LDLRAD3: variants seen among roughly 807,000 people sequenced by gnomAD.
LDLRAD3 encodes low density lipoprotein receptor class A domain containing 3.
A neutral mutation model predicts 29.4 loss-of-function variants in LDLRAD3; 20 were observed. That is an observed-to-expected ratio of 0.68 (90% CI 0.48 to 0.99). The LOEUF (loss-of-function observed/expected upper bound fraction) is 0.99, where lower values mean the gene tolerates loss of function less well. LDLRAD3 is among the 50% of genes least tolerant of loss of function. The pLI is 0.00. For missense variants in LDLRAD3, 420 were observed against 454.3 expected (o/e 0.92, Z 0.69); for synonymous variants, 157 against 192.7 (o/e 0.81, Z 1.53).
At position 36,138,649 on chromosome 11, in the gene LDLRAD3, G is replaced by T. The variant is rs930126472; in HGVS notation, c.454+40188G>T. On this transcript the variant is annotated intron_variant, in intron 4 of 5. Transcript: ENST00000315571. Reference sequence around the variant, plus strand: ...ATTAGTATTTAATAGCTGCATTTTGGTGACAGATTTTGCTACCAAGCTGCC... The same window carrying T: ...ATTAGTATTTAATAGCTGCATTTTGTTGACAGATTTTGCTACCAAGCTGCC... 3.0e-4 allele frequency among the ~76,000 whole-genome samples: 45 copies of T among 152,212 alleles called. 1 individual carries two copies. Among genetic ancestry groups the T allele is most frequent in the Non-Finnish European group, 6.5e-4 (44 of 68,044 alleles).
intron 4 of LDLRAD3, among the ~76,000 whole-genome samples, chr11:36,151,797 A>G (rs942546140): frequency 2.0e-5 from 3 of 152,204 alleles, no homozygotes; most frequent in East Asian, 1.9e-4. Context: ...CAATCAATCA[A>G]TAGAATAAAA....
intron 4 of LDLRAD3, among the ~76,000 whole-genome samples, chr11:36,175,882 T>G (rs565957331): frequency 5.3e-4 from 81 of 152,322 alleles, no homozygotes; most frequent in African/African-American, 1.8e-3. Context: ...TGTCTTGACT[T>G]GTCTAGTGCT....
intron 2 of LDLRAD3, among the ~76,000 whole-genome samples, chr11:36,036,797 C>G (rs1852310886): frequency 6.6e-6 from 1 of 152,204 alleles, no homozygotes; most frequent in African/African-American, 2.4e-5. Context: ...ATGGCTTGAG[C>G]TTTGCTGGGG....
intron 4 of LDLRAD3, among the ~76,000 whole-genome samples, chr11:36,143,544 C>A (rs190554215): frequency 1.2e-3 from 187 of 152,302 alleles, no homozygotes; most frequent in African/African-American, 4.4e-3. Context: ...CCTGTTTGAG[C>A]CCAGGGAGAA....
intron 3 of LDLRAD3, among the ~76,000 whole-genome samples, chr11:36,088,344 A>G (rs930242902): frequency 6.6e-6 from 1 of 151,690 alleles, no homozygotes; most frequent in Admixed American, 6.6e-5. Flanking sequence ...AAGGATGAGG[A>G]CTCCAGCCAA....
At chr11:36,140,406 A>C (rs958535281) in intron 4 of LDLRAD3, among the ~76,000 whole-genome samples, 1 of 152,228 alleles carries the variant, frequency 6.6e-6, no homozygotes, top group African/African-American at 2.4e-5. Flanking sequence ...AGGGGATTTG[A>C]CAAATCCTGT....
chr11:36,054,156 A>G (rs1852571174), intron 2 of LDLRAD3, among the ~76,000 whole-genome samples: 1 of 152,192 alleles, frequency 6.6e-6, no homozygotes, highest in African/African-American at 2.4e-5. Context: ...CATTTCAGAA[A>G]TATTTTGTTT....
chr11:36,101,336 C>T (rs1853443953), intron 4 of LDLRAD3, among the ~76,000 whole-genome samples: 1 of 152,178 alleles, frequency 6.6e-6, no homozygotes, highest in African/African-American at 2.4e-5. Context: ...GCATTGTGCT[C>T]TGTACATAGT....
rs142109565 is a variant in LDLRAD3 at position 36,008,953 on chromosome 11, ATCG to A, written c.47-27147_47-27145del. Among the ~76,000 whole-genome samples, 567 of 152,258 alleles carry A rather than the reference ATCG, an allele frequency of 3.7e-3. 3 individuals are homozygous for A. Among genetic ancestry groups the A allele is most frequent in the African/African-American group, 0.013 (537 of 41,536 alleles). On this transcript the variant is annotated intron_variant, in intron 1 of 5. Transcript: ENST00000315571. ...AGCTTTGGTTATGAAAATAATATAT[ATCG>A]TCTTTTTATTCCCTTTAATTGACCA...
At chr11:36,074,260 G>C (rs1053869116) in intron 2 of LDLRAD3, among the ~76,000 whole-genome samples, 11 of 152,220 alleles carry the variant, frequency 7.2e-5, no homozygotes, top group Admixed American at 2.0e-4. Context: ...TAGCCAAACA[G>C]CTTAATACAA....
intron 2 of LDLRAD3, among the ~76,000 whole-genome samples, chr11:36,050,832 G>A (rs546465743): frequency 6.6e-6 from 1 of 152,276 alleles, no homozygotes; most frequent in Non-Finnish European, 1.5e-5. Flanking sequence ...CTCAGTTCTG[G>A]AGTGGGAAAG....
chr11:36,044,787 A>G (rs1297421192), intron 2 of LDLRAD3, among the ~76,000 whole-genome samples: 1 of 152,158 alleles, frequency 6.6e-6, no homozygotes, highest in African/African-American at 2.4e-5. Flanking sequence ...GCTTGGAGGT[A>G]CCTCTTCTGC....
At chr11:36,157,352 C>A (rs7924470) in intron 4 of LDLRAD3, among the ~76,000 whole-genome samples, 72,295 of 152,062 alleles carry the variant, frequency 0.48, 18,551 homozygotes, top group East Asian at 0.69. Context: ...GGATGCCAGA[C>A]AAACTTGGTC....
intron 4 of LDLRAD3, among the ~76,000 whole-genome samples, chr11:36,156,760 C>T (rs1307682307): frequency 6.6e-6 from 1 of 152,120 alleles, no homozygotes; most frequent in Non-Finnish European, 1.5e-5. Context: ...TCATCTTCAG[C>T]ATGATATGGT....
Position 36,102,029 on chromosome 11 carries a change from C to T in LDLRAD3, c.454+3568C>T, listed in dbSNP as rs556446779. 3.7e-3 allele frequency: 734 copies of T among 196,696 alleles called. 6 individuals are homozygous for T. The highest frequency in any genetic ancestry group is 6.4e-3 in the Non-Finnish European group (604 of 94,432). The allele number at this position is 196,696 out of a possible 1,614,324, so 12.2% of individuals were successfully genotyped here. A position where few individuals can be genotyped will look rare whatever the true frequency, so the allele number is the denominator to read the frequency against. On this transcript the variant is annotated intron_variant, in intron 4 of 5. Transcript: ENST00000315571. ...TCAGCCTCCCGAGTAGCTGGAACTA[C>T]AGGCGCCCGCCACTACGCCTGGCTT...
At chr11:36,045,618 C>T (rs913232597) in intron 2 of LDLRAD3, among the ~76,000 whole-genome samples, 1 of 152,010 alleles carries the variant, frequency 6.6e-6, no homozygotes, top group African/African-American at 2.4e-5. Flanking sequence ...TAATAACCCT[C>T]ATGTGGTCAT....
intron 4 of LDLRAD3, among the ~76,000 whole-genome samples, chr11:36,165,153 T>G (rs1590323503): frequency 6.6e-6 from 1 of 151,900 alleles, no homozygotes; most frequent in Non-Finnish European, 1.5e-5. Context: ...CAGTTTTACA[T>G]CCTACTTTTT....
At chr11:35,969,667 C>T (rs984085926) in intron 1 of LDLRAD3, among the ~76,000 whole-genome samples, 1 of 152,138 alleles carries the variant, frequency 6.6e-6, no homozygotes, top group African/African-American at 2.4e-5. Context: ...CCCGTGTTGC[C>T]TTGTTTCTGG....
chr11:35,980,735 G>A lies in LDLRAD3; in HGVS notation c.46+36591G>A, dbSNP rs541615946. On this transcript the variant is annotated intron_variant, in intron 1 of 5. Coordinates refer to ENST00000315571, the MANE Select transcript of LDLRAD3 (RefSeq NM_174902.4). ...TAGCAAAATTATTAAATAATAATTT[G>A]TATTGTTAAAACATGAATGAAATAC... 5.3e-5 allele frequency among the ~76,000 whole-genome samples: 8 copies of A among 152,242 alleles called. No individual in the cohort carries two copies. In the East Asian group the frequency reaches 1.5e-3, roughly 29 times the overall value.
Sources: allele counts gnomAD v4.1 joint callset (sites outside exome capture counted in the v4.1 genomes callset), GRCh38; gene constraint gnomAD v4.1.1; transcripts MANE v1.5; gene names NCBI Gene and HGNC (gene_info 2026-07-23, HGNC 2026-07-21).